GNA12: variants seen among roughly 807,000 people sequenced by gnomAD.
GNA12 encodes G protein subunit alpha 12, also known as guanine nucleotide-binding protein subunit alpha-12.
Under a neutral mutation model 26.0 loss-of-function variants are expected in GNA12, and 9 were observed. The ratio of observed to expected loss-of-function variants is 0.35; its 90% confidence interval spans 0.21 to 0.60. GNA12 has a LOEUF of 0.60. Ranked by LOEUF, GNA12 falls within the 20% of genes least tolerant of loss-of-function variation. The pLI is 0.78. For missense variants in GNA12, 405 were observed against 525.8 expected (o/e 0.77, Z 2.25); for synonymous variants, 264 against 219.6 (o/e 1.20, Z -1.79).
chr7:2,736,995 G>A (rs1790215361), intron 2 of GNA12, among the ~76,000 whole-genome samples: 2 of 152,304 alleles, frequency 1.3e-5, no homozygotes, highest in South Asian at 4.1e-4. Flanking sequence ...GCTCCTAATT[G>A]GAGCCTTTCT....
intron 2 of GNA12, among the ~76,000 whole-genome samples, chr7:2,773,044 C>CT (rs1791988054): frequency 6.6e-6 from 1 of 152,200 alleles, no homozygotes; most frequent in Admixed American, 6.5e-5. Flanking sequence ...TTTAAACAAA[C>CT]TTCAAAAACA....
intron 1 of GNA12, among the ~76,000 whole-genome samples, chr7:2,808,953 C>A (rs1793013883): frequency 6.6e-6 from 1 of 152,194 alleles, no homozygotes; most frequent in Non-Finnish European, 1.5e-5. Flanking sequence ...ACAACTGAAA[C>A]CCTTTGCCCC....
intron 2 of GNA12, among the ~76,000 whole-genome samples, chr7:2,745,615 C>T (rs773060873): frequency 2.6e-5 from 4 of 152,154 alleles, no homozygotes; most frequent in Non-Finnish European, 4.4e-5. Context: ...CATCAACTAA[C>T]GAGCAAAATA....
At chr7:2,839,027 G>A (rs1778916194) in intron 1 of GNA12, among the ~76,000 whole-genome samples, 1 of 152,200 alleles carries the variant, frequency 6.6e-6, no homozygotes, top group African/African-American at 2.4e-5. Context: ...TCTGACACAT[G>A]TAGAACATTC....
chr7:2,736,070 G>A (rs896644552), intron 2 of GNA12, among the ~76,000 whole-genome samples: 1 of 152,148 alleles, frequency 6.6e-6, no homozygotes, highest in African/African-American at 2.4e-5. Flanking sequence ...GACTCCTCAA[G>A]TCTTACAGCA....
chr7:2,734,043 G>C (rs1562392030), intron 2 of GNA12, among the ~76,000 whole-genome samples: 1 of 152,228 alleles, frequency 6.6e-6, no homozygotes, highest in Non-Finnish European at 1.5e-5. Flanking sequence ...ATTTATAGTA[G>C]CAAACACAGG....
intron 2 of GNA12, among the ~76,000 whole-genome samples, chr7:2,788,013 G>C (rs1026905751): frequency 6.6e-6 from 1 of 152,150 alleles, no homozygotes; most frequent in South Asian, 2.1e-4. Context: ...AAATTAGCCG[G>C]GCATGGTGGC....
chr7:2,747,046 A>G (rs564582466), intron 2 of GNA12, among the ~76,000 whole-genome samples: 2 of 152,256 alleles, frequency 1.3e-5, no homozygotes, highest in East Asian at 1.9e-4. Flanking sequence ...CAACCAAAAA[A>G]AGTCCAGGAG....
chr7:2,790,692 G>C (rs1354898311), intron 2 of GNA12, among the ~76,000 whole-genome samples: 3 of 152,172 alleles, frequency 2.0e-5, no homozygotes, highest in Non-Finnish European at 4.4e-5. Flanking sequence ...ACCAAGGCTG[G>C]GCCTGGTGGT....
At chr7:2,832,989 T>C (rs1778721136) in intron 1 of GNA12, among the ~76,000 whole-genome samples, 1 of 152,206 alleles carries the variant, frequency 6.6e-6, no homozygotes, top group South Asian at 2.1e-4. Context: ...AGTCATGTTT[T>C]CCATTCTGCA....
intron 2 of GNA12, among the ~76,000 whole-genome samples, chr7:2,767,752 T>C (rs1791843082): frequency 6.6e-6 from 1 of 152,254 alleles, no homozygotes; most frequent in Admixed American, 6.5e-5. Context: ...ACATGGTACA[T>C]ATGCTATGCA....
At chr7:2,841,597 GA>G (rs1222048524) in intron 1 of GNA12, among the ~76,000 whole-genome samples, 3 of 151,712 alleles carry the variant, frequency 2.0e-5, no homozygotes, top group African/African-American at 7.3e-5. Flanking sequence ...GAGGTAAAAT[GA>G]AAAAGGGTGT....
intron 1 of GNA12, among the ~76,000 whole-genome samples, chr7:2,827,722 T>A (rs1793516749): frequency 6.6e-6 from 1 of 152,174 alleles, no homozygotes. Context: ...AAAGGAGTTA[T>A]AATGAAGGAA....
At chr7:2,807,680 G>C (rs979090925) in intron 1 of GNA12, among the ~76,000 whole-genome samples, 1 of 151,810 alleles carries the variant, frequency 6.6e-6, no homozygotes, top group East Asian at 1.9e-4. Flanking sequence ...TCAAACTTGC[G>C]ATAAGACCAA....
At chr7:2,747,575 G>A (rs1790827675) in intron 2 of GNA12, among the ~76,000 whole-genome samples, 1 of 151,956 alleles carries the variant, frequency 6.6e-6, no homozygotes, top group Non-Finnish European at 1.5e-5. Flanking sequence ...TACTGAATGG[G>A]CAAAAACTGG....
intron 2 of GNA12, among the ~76,000 whole-genome samples, chr7:2,780,093 T>TAAAA (rs57390413): frequency 1.5e-5 from 2 of 130,136 alleles, no homozygotes; most frequent in Admixed American, 1.6e-4. Flanking sequence ...TATATATATA[T>TAAAA]GCCTGTTTTC....
rs115336395 is a variant in GNA12 at position 2,800,650 on chromosome 7, A to G, written c.310-5507T>C. On this transcript the variant is annotated intron_variant, in intron 1 of 3. Coordinates refer to ENST00000275364, the MANE Select transcript of GNA12 (RefSeq NM_007353.3). Reference sequence around the variant, plus strand: ...CGATGTGATGTGGAGAGGGAGGGTTAGCAGAGGCCGAAGGCAAAGAGATAG... The same window carrying G: ...CGATGTGATGTGGAGAGGGAGGGTTGGCAGAGGCCGAAGGCAAAGAGATAG... Among the ~76,000 whole-genome samples, 356 of 152,358 alleles carry G rather than the reference A, an allele frequency of 2.3e-3. 4 individuals are homozygous for G. The highest frequency in any genetic ancestry group is 8.1e-3 in the African/African-American group (338 of 41,582).
Position 2,815,893 on chromosome 7 carries a change from C to G in GNA12, c.310-20750G>C, listed in dbSNP as rs183318795. Among the ~76,000 whole-genome samples the G allele has an allele frequency of 5.3e-5, 8 of 152,358 alleles. No homozygotes were observed. In the East Asian group the frequency reaches 1.5e-3, roughly 29 times the overall value. ...CACAAACACTGAATTTTTCATTCAT[C>G]TGAAAATAAGGGAGATAGTTTTTGA... On this transcript the variant is annotated intron_variant, in intron 1 of 3. Transcript: ENST00000275364.
intron 2 of GNA12, among the ~76,000 whole-genome samples, chr7:2,771,726 G>C (rs1351538980): frequency 1.3e-5 from 2 of 152,106 alleles, no homozygotes; most frequent in Non-Finnish European, 2.9e-5. Context: ...CCAATGTTCA[G>C]CTGCCATAAA....
Sources: allele counts gnomAD v4.1 joint callset (sites outside exome capture counted in the v4.1 genomes callset), GRCh38; gene constraint gnomAD v4.1.1; transcripts MANE v1.5; gene names NCBI Gene and HGNC (gene_info 2026-07-23, HGNC 2026-07-21).